The following PLA2G4C variants were observed in gnomAD, a reference collection of about 807,000 sequenced individuals.
PLA2G4C encodes phospholipase A2 group IVC.
PLA2G4C carries 64 observed loss-of-function variants against 73.8 expected under a neutral mutation model. That is an observed-to-expected ratio of 0.87 (90% confidence interval 0.71 to 1.07). The LOEUF is 1.07. Among genes scored for constraint, PLA2G4C ranks in the 50% least tolerant of loss-of-function variants. The pLI is 0.00. For missense variants in PLA2G4C, 622 were observed against 665.4 expected, an observed-to-expected ratio of 0.93 and a Z score of 0.72; for synonymous variants, 254 against 252.1, an observed-to-expected ratio of 1.01 and a Z score of -0.07.
chr19:48,049,646 G>A (rs1386088864), intron 16 of PLA2G4C, among the ~76,000 whole-genome samples: 1 of 152,204 alleles, frequency 6.6e-6, no homozygotes, highest in African/African-American at 2.4e-5. Context: ...ACACCATGGT[G>A]AGCAAAGTGA....
At chr19:48,068,731 T>TAAA (rs532183992) in intron 12 of PLA2G4C, among the ~76,000 whole-genome samples, 2 of 97,826 alleles carry the variant, frequency 2.0e-5, no homozygotes, top group African/African-American at 7.7e-5. Flanking sequence ...ACCTTGTATC[T>TAAA]AAAAAAAAAA....
chr19:48,104,705 A>G lies in PLA2G4C; in HGVS notation c.140T>C (p.Leu47Pro), dbSNP rs756244961. 1.9e-6 allele frequency: 3 copies of G among 1,614,152 alleles called. No homozygotes were observed. The South Asian group carries it at 3.3e-5, about 18-fold the overall frequency. The change falls in exon 4 of 17, where the codon CTG becomes CCG. Residue 47 changes from leucine to proline, a missense_variant. Transcript: ENST00000599921. The part of the protein sequence containing the change: ...EADEAPVVAV[L>P]GSGGGLRAHI... The stretch of plus-strand genomic sequence containing the variant: ...AGCCCGCAGTCCTCCGCCTGAGCCC[A>G]GCACAGCAACAACTGGGGCCTAGGC...
chr19:48,098,078 C>A, intron 6 of PLA2G4C, 61 bp downstream of exon 6: 1 of 1,558,932 alleles, frequency 6.4e-7, no homozygotes, highest in Non-Finnish European at 8.7e-7. Context: ...AACATTCTTC[C>A]ATTCCACTCC....
chr19:48,066,682 G>A (rs528817936), intron 13 of PLA2G4C, among the ~76,000 whole-genome samples: 16 of 152,118 alleles, frequency 1.1e-4, no homozygotes, highest in Non-Finnish European at 2.1e-4. Flanking sequence ...AGTGGGGAAG[G>A]CCAGGTGTGG....
chr19:48,065,819 G>A (rs1968393512), intron 13 of PLA2G4C, among the ~76,000 whole-genome samples: 1 of 152,000 alleles, frequency 6.6e-6, no homozygotes, highest in Non-Finnish European at 1.5e-5. Context: ...TAAAATCTGT[G>A]TTGAGGTGGC....
chr19:48,098,748 A>AAAG (rs2031743333), intron 5 of PLA2G4C, among the ~76,000 whole-genome samples: 1 of 135,304 alleles, frequency 7.4e-6, no homozygotes, highest in South Asian at 2.4e-4. Flanking sequence ...AAAAAAAAAA[A>AAAG]AAAATTTGTC....
chr19:48,063,234 A>G (rs4801741), intron 13 of PLA2G4C, among the ~76,000 whole-genome samples: 124,774 of 151,878 alleles, frequency 0.82, 51,312 homozygotes, highest in Middle Eastern at 0.88. Context: ...AGTAGAGACA[A>G]GGTTTCCCCA....
Position 48,048,242 on chromosome 19 carries a change from T to C in PLA2G4C, c.*101A>G, listed in dbSNP as rs547681700. On this transcript the variant is annotated 3_prime_UTR_variant, in exon 17 of 17. Coordinates refer to ENST00000599921, the MANE Select transcript of PLA2G4C (RefSeq NM_003706.3). ...GACAGCCAAGGTGAACTCAAGGCCA[T>C]GAAGCGTGTGGCTGAAGGGAGTGAA... The C allele has an allele frequency of 6.1e-6, 5 of 814,124 alleles. No individual in the cohort carries two copies. In the African/African-American group the frequency reaches 8.8e-5, roughly 14 times the overall value. 50.4% of individuals were successfully genotyped at this position (814,124 alleles called of 1,614,324 possible). A position where few individuals can be genotyped will look rare whatever the true frequency, so the allele number is the denominator to read the frequency against.
Position 48,104,688 on chromosome 19 carries a change from G to A in PLA2G4C, c.157C>T (p.Leu53=), listed in dbSNP as rs978253206. 1.9e-6 allele frequency: 3 copies of A among 1,614,010 alleles called. No homozygotes were observed. The highest frequency in any genetic ancestry group is 2.5e-6 in the Non-Finnish European group (3 of 1,180,022). ...CCAAGGCAGGCAATGTGAGCCCGCAGTCCTCCGCCTGAGCCCAGCACAGCA... is the reference window on the plus strand; with the variant it reads ...CCAAGGCAGGCAATGTGAGCCCGCAATCCTCCGCCTGAGCCCAGCACAGCA... ...VVAVLGSGGG[L]RAHIACLGVL... is the part of the protein sequence containing the mutation. Residue 53 remains leucine, a synonymous_variant, in exon 4 of 17, where the codon CTG becomes TTG. Transcript: ENST00000599921.
chr19:48,054,888 A>G lies in PLA2G4C; in HGVS notation c.1419T>C (p.Asp473=). The change falls in exon 15 of 17, where the codon GAT becomes GAC. Residue 473 remains aspartate, a synonymous_variant. Coordinates refer to ENST00000599921, the MANE Select transcript of PLA2G4C (RefSeq NM_003706.3). ...VVMHFPLFNI[D]ACGGDIEAWS... The stretch of plus-strand genomic sequence containing the variant: ...CTCCCCTGCACCTACCTCCACAGGC[A>G]TCTATGTTGAACAGGGGAAAATGCA... 1 of 1,614,008 alleles carries G rather than the reference A, an allele frequency of 6.2e-7. No individual in the cohort carries two copies. Among genetic ancestry groups the G allele is most frequent in the Non-Finnish European group, 8.5e-7 (1 of 1,180,004 alleles).
chr19:48,059,324 A>G (rs1968081225), intron 14 of PLA2G4C, among the ~76,000 whole-genome samples: 1 of 152,056 alleles, frequency 6.6e-6, no homozygotes, highest in African/African-American at 2.4e-5. Context: ...ATTTGTAGGA[A>G]AAAGTTTCAT....
intron 13 of PLA2G4C, among the ~76,000 whole-genome samples, chr19:48,065,372 T>C (rs756375777): frequency 3.9e-5 from 6 of 151,916 alleles, no homozygotes; most frequent in Non-Finnish European, 8.8e-5. Flanking sequence ...TCCCAGCACT[T>C]TGGGAGGCCA....
At position 48,089,924 on chromosome 19, in the gene PLA2G4C, G is replaced by A. The variant is rs185376650; in HGVS notation, c.763+440C>T. ...TCAGCAAAATGGAAGGGACAAAAGC[G>A]TCTGCCTCTTAGGGTATTAAAGGGG... is the stretch of plus-strand genomic sequence containing the variant. On this transcript the variant is annotated intron_variant, in intron 8 of 16. Transcript: ENST00000599921. 3.2e-3 allele frequency among the ~76,000 whole-genome samples: 486 copies of A among 152,298 alleles called. 1 individual carries two copies. Among genetic ancestry groups the A allele is most frequent in the Non-Finnish European group, 5.1e-3 (346 of 68,014 alleles).
At chr19:48,105,256 C>A in intron 3 of PLA2G4C, 77 bp downstream of exon 3, 2 of 899,384 alleles carry the variant, frequency 2.2e-6, no homozygotes, top group Non-Finnish European at 1.8e-6. Flanking sequence ...CTCTCCCTGG[C>A]TGAGTTGGGC....
intron 4 of PLA2G4C, among the ~76,000 whole-genome samples, chr19:48,100,863 G>A (rs566948826): frequency 2.7e-5 from 4 of 146,832 alleles, no homozygotes; most frequent in East Asian, 2.0e-4. Context: ...GCAGTGAGCC[G>A]AGATCGCGCC....
intron 14 of PLA2G4C, among the ~76,000 whole-genome samples, chr19:48,056,941 T>C (rs963120176): frequency 6.6e-6 from 1 of 151,334 alleles, no homozygotes; most frequent in African/African-American, 2.4e-5. Context: ...TGAGAACACA[T>C]GGACACACAG....
chr19:48,067,645 C>T, intron 13 of PLA2G4C, 146 bp downstream of exon 13: 2 of 685,938 alleles, frequency 2.9e-6, no homozygotes, highest in South Asian at 3.5e-5. Flanking sequence ...TTCCCCTAAT[C>T]AGATCCCTGG....
At chr19:48,086,134 G>A (rs187317632) in intron 9 of PLA2G4C, among the ~76,000 whole-genome samples, 15 of 152,190 alleles carry the variant, frequency 9.9e-5, no homozygotes, top group African/African-American at 3.4e-4. Context: ...CAGGACCCTG[G>A]CACATGGCTA....
At chr19:48,098,687 C>A (rs1340180929) in intron 5 of PLA2G4C, among the ~76,000 whole-genome samples, 1 of 117,264 alleles carries the variant, frequency 8.5e-6, no homozygotes, top group African/African-American at 3.4e-5. Context: ...GAGACCACCC[C>A]GAGCAAAAAA....
Sources: allele counts gnomAD v4.1 joint callset (sites outside exome capture counted in the v4.1 genomes callset), GRCh38; gene constraint gnomAD v4.1.1; transcripts MANE v1.5; gene names NCBI Gene and HGNC (gene_info 2026-07-23, HGNC 2026-07-21).